The following SLC35F3 variants were observed in gnomAD, a reference collection of about 807,000 sequenced individuals.
SLC35F3 encodes the protein solute carrier family 35 member F3.
Under a neutral mutation model 49.9 loss-of-function variants are expected in SLC35F3, and 25 were observed. The observed-to-expected ratio is 0.50, with a 90% CI of 0.37 to 0.70. The LOEUF (loss-of-function observed/expected upper bound fraction) is 0.70. SLC35F3 is among the 30% of genes least tolerant of loss of function. The pLI is 0.00. For synonymous variants in SLC35F3, 275 were observed against 265.4 expected (o/e 1.04, Z -0.35); for missense variants, 525 against 639.8 (o/e 0.82, Z 1.94).
intron 2 of SLC35F3, among the ~76,000 whole-genome samples, chr1:234,179,774 G>C (rs1666529994): frequency 6.6e-6 from 1 of 152,152 alleles, no homozygotes; most frequent in Non-Finnish European, 1.5e-5. Context: ...CAATTAAAGA[G>C]GAGAATAAAG....
chr1:233,949,254 C>T (rs947209870), intron 2 of SLC35F3, among the ~76,000 whole-genome samples: 3 of 152,150 alleles, frequency 2.0e-5, no homozygotes, highest in Non-Finnish European at 2.9e-5. Flanking sequence ...TCAGCCTCCA[C>T]GTCACCTGAA....
intron 2 of SLC35F3, among the ~76,000 whole-genome samples, chr1:233,993,331 G>A (rs1663395834): frequency 3.3e-5 from 5 of 152,074 alleles, no homozygotes; most frequent in African/African-American, 2.4e-5. Context: ...GGTGGTCCAG[G>A]GAAGTAGAAC....
intron 3 of SLC35F3, among the ~76,000 whole-genome samples, chr1:234,238,090 TTG>T (rs769004854): frequency 1.3e-5 from 2 of 152,214 alleles, no homozygotes; most frequent in Admixed American, 1.3e-4. Context: ...TGTTGTTTGT[TTG>T]TGTGTTTATT....
At chr1:234,066,839 CACA>C in intron 2 of SLC35F3, among the ~76,000 whole-genome samples, 1 of 49,158 alleles carries the variant, frequency 2.0e-5, no homozygotes, top group Admixed American at 1.5e-4. Context: ...CCCACACACA[CACA>C]CACACACACA....
At chr1:234,177,195 T>G (rs1185352695) in intron 2 of SLC35F3, among the ~76,000 whole-genome samples, 4 of 152,324 alleles carry the variant, frequency 2.6e-5, no homozygotes, top group African/African-American at 9.6e-5. Context: ...CTGCCATCCA[T>G]GTAAGATGTG....
At chr1:234,230,653 G>C (rs375250348) in intron 2 of SLC35F3, among the ~76,000 whole-genome samples, 20 of 152,318 alleles carry the variant, frequency 1.3e-4, no homozygotes, top group African/African-American at 4.8e-4. Context: ...CACTGCCGCA[G>C]AGCCAAGCTT....
At chr1:233,982,919 T>A (rs1235022306) in intron 2 of SLC35F3, among the ~76,000 whole-genome samples, 1 of 152,184 alleles carries the variant, frequency 6.6e-6, no homozygotes, top group Non-Finnish European at 1.5e-5. Context: ...AGAGGGACCT[T>A]GCCTAACCAG....
At chr1:233,999,924 C>T (rs913814485) in intron 2 of SLC35F3, among the ~76,000 whole-genome samples, 3 of 152,114 alleles carry the variant, frequency 2.0e-5, no homozygotes, top group Admixed American at 6.5e-5. Context: ...AACATTTCAA[C>T]ATTTAGGATA....
At chr1:234,276,540 G>C (rs1363886010) in intron 3 of SLC35F3, among the ~76,000 whole-genome samples, 3 of 152,194 alleles carry the variant, frequency 2.0e-5, no homozygotes, top group African/African-American at 7.2e-5. Context: ...TCAGTAGAAA[G>C]CTTCATGAAG....
intron 2 of SLC35F3, among the ~76,000 whole-genome samples, chr1:233,974,881 C>T (rs953453645): frequency 6.6e-6 from 1 of 152,176 alleles, no homozygotes; most frequent in Non-Finnish European, 1.5e-5. Context: ...GGGAAACGTA[C>T]CACATAACGT....
chr1:234,284,843 C>G (rs565487217), intron 3 of SLC35F3: 2 of 153,868 alleles, frequency 1.3e-5, no homozygotes, highest in Admixed American at 6.4e-5. Flanking sequence ...TAGAGACAGG[C>G]AAGGGAAGAG....
intron 3 of SLC35F3, chr1:234,284,937 T>C (rs1217105697): frequency 6.1e-6 from 1 of 163,746 alleles, no homozygotes; most frequent in Non-Finnish European, 1.3e-5. Flanking sequence ...GCCTTTAAAT[T>C]AACAAAAGTG....
intron 4 of SLC35F3, among the ~76,000 whole-genome samples, chr1:234,315,977 G>C (rs963320394): frequency 6.6e-6 from 1 of 152,198 alleles, no homozygotes; most frequent in Non-Finnish European, 1.5e-5. Flanking sequence ...ACAATAACAG[G>C]ATTGAGGGGA....
At chr1:234,175,906 T>C (rs1407671723) in intron 2 of SLC35F3, among the ~76,000 whole-genome samples, 1 of 152,154 alleles carries the variant, frequency 6.6e-6, no homozygotes, top group Admixed American at 6.5e-5. Flanking sequence ...GCCATTTGTC[T>C]CCTTATGAGT....
intron 2 of SLC35F3, among the ~76,000 whole-genome samples, chr1:234,036,184 T>C (rs1392745163): frequency 2.0e-5 from 3 of 152,156 alleles, no homozygotes; most frequent in South Asian, 2.1e-4. Context: ...ACCCTCAGCC[T>C]CCCAAGTAGC....
At chr1:233,960,886 T>C (rs1177065068) in intron 2 of SLC35F3, among the ~76,000 whole-genome samples, 1 of 151,800 alleles carries the variant, frequency 6.6e-6, no homozygotes, top group Non-Finnish European at 1.5e-5. Flanking sequence ...CTGCATTCTG[T>C]GCAAAGGCAG....
At chr1:234,302,416 T>C (rs1668706836) in intron 3 of SLC35F3, among the ~76,000 whole-genome samples, 3 of 151,572 alleles carry the variant, frequency 2.0e-5, no homozygotes, top group Admixed American at 2.0e-4. Context: ...TTTGAATGAG[T>C]GTGGGGAGCA....
At chr1:233,969,913 G>A (rs534733749) in intron 2 of SLC35F3, among the ~76,000 whole-genome samples, 19 of 152,270 alleles carry the variant, frequency 1.2e-4, no homozygotes, top group African/African-American at 4.1e-4. Context: ...GCTGGGGAAC[G>A]GGGAAGGATT....
intron 2 of SLC35F3, among the ~76,000 whole-genome samples, chr1:233,971,100 G>T (rs1017473506): frequency 6.6e-6 from 1 of 152,224 alleles, no homozygotes; most frequent in Non-Finnish European, 1.5e-5. Flanking sequence ...CAGGCACCAT[G>T]AGCCAATGTG....
Sources: gnomAD v4.1 joint callset for allele counts (sites outside exome capture counted in the v4.1 genomes callset) on GRCh38, gnomAD v4.1.1 for gene constraint, MANE v1.5 for transcripts, NCBI Gene and HGNC (gene_info 2026-07-23, HGNC 2026-07-21) for gene names.